KNDC1: variants seen among roughly 807,000 people sequenced by gnomAD.
KNDC1 encodes kinase non-catalytic C-lobe domain containing 1, also known as kinase non-catalytic C-lobe domain-containing protein 1.
KNDC1 carries 106 observed loss-of-function variants against 172.8 expected under a neutral mutation model. The observed-to-expected ratio is 0.61, with a 90% CI of 0.52 to 0.72. The LOEUF is 0.72. Among genes scored for constraint, KNDC1 ranks in the 30% least tolerant of loss-of-function variants. The pLI, the probability that KNDC1 is intolerant of heterozygous loss-of-function variation, is 0.00. For missense variants in KNDC1, 2,325 were observed against 2,394.5 expected, an observed-to-expected ratio of 0.97 and a Z score of 0.61; for synonymous variants, 1,083 against 1,062.2, an observed-to-expected ratio of 1.02 and a Z score of -0.38.
Position 133,224,750 on chromosome 10 carries a change from CAG to C in KNDC1, c.5113_5114del (p.Arg1705AspfsTer16). 1 of 1,614,084 alleles carries C rather than the reference CAG, an allele frequency of 6.2e-7. No homozygotes were observed. Among genetic ancestry groups the C allele is most frequent in the Non-Finnish European group, 8.5e-7 (1 of 1,179,996 alleles). ...CCCCAAGCTCCAGTCGTACCTCAAG[CAG>C]AGGATTGCCCGCTTCAGCGGTGCCG... ...PDPKLQSYLKQRIARFSGADI... is the reference protein window; with the variant it reads ...PDPKLQSYLKXRIARFSGADI... On this transcript the variant is annotated frameshift_variant, in exon 30 of 30. Transcript: ENST00000304613. LOFTEE classifies it low-confidence loss of function (END_TRUNC). This position sits in a 1 kb window ranked among gnomAD's most constrained non-coding sequence, Gnocchi z 5.4.
At chr10:133,169,907 C>G (rs1381203634) in intron 3 of KNDC1, among the ~76,000 whole-genome samples, 2 of 152,244 alleles carry the variant, frequency 1.3e-5, no homozygotes, top group African/African-American at 4.8e-5. Flanking sequence ...TCCGTGGTTC[C>G]CCCGTGGGAC....
chr10:133,162,047 TG>T (rs1852992850), intron 1 of KNDC1, among the ~76,000 whole-genome samples: 1 of 152,194 alleles, frequency 6.6e-6, no homozygotes, highest in Non-Finnish European at 1.5e-5. Context: ...GGCACAGTAC[TG>T]GGGTGGGTGG....
chr10:133,160,516 A>G lies in KNDC1; in HGVS notation c.49A>G (p.Lys17Glu), dbSNP rs774587808. 3.8e-6 allele frequency: 6 copies of G among 1,591,696 alleles called. No homozygotes were observed. The highest frequency in any genetic ancestry group is 5.1e-6 in the Non-Finnish European group (6 of 1,170,854). Residue 17 changes from lysine to glutamate, a missense_variant, in exon 1 of 30, where the codon AAA (lysine) becomes GAA (glutamate). Coordinates refer to ENST00000304613, the MANE Select transcript of KNDC1 (RefSeq NM_152643.8). ...GGCGGATCTTTACGAGGAGGACGGC[A>G]AAGACCTGGACTTCTACGACTTCGA... ...AAADLYEEDG[K>E]DLDFYDFEPL...
At chr10:133,181,861 C>CACACACACACACACACACACACACACACA (rs33923925) in intron 3 of KNDC1, among the ~76,000 whole-genome samples, 1 of 151,404 alleles carries the variant, frequency 6.6e-6, no homozygotes, top group African/African-American at 2.4e-5. Flanking sequence ...CACACACACA[C>CACACACACACACACACACACACACACACA]CAGACTGTGG....
In KNDC1 at chr10:133,188,621, T is replaced by C; in HGVS notation, c.1409T>C (p.Leu470Pro). 2 of 1,596,616 alleles carry C rather than the reference T, an allele frequency of 1.3e-6. No individual in the cohort carries two copies. Among genetic ancestry groups the C allele is most frequent in the Non-Finnish European group, 8.5e-7 (1 of 1,174,076 alleles). Residue 470 changes from leucine to proline, a missense_variant, in exon 7 of 30, where the codon CTC becomes CCC. Coordinates refer to ENST00000304613, the MANE Select transcript of KNDC1 (RefSeq NM_152643.8). ...CTGTGGGCCCTGTGCCTGGCCTGCC[T>C]CCGCGCACTGCAGACACGCCCTGAG... The part of the protein sequence containing the change: ...YELWALCLAC[L>P]RALQTRPEHP...
At chr10:133,213,341 C>T (rs1290232478) in intron 24 of KNDC1, among the ~76,000 whole-genome samples, 1 of 152,256 alleles carries the variant, frequency 6.6e-6, no homozygotes, top group African/African-American at 2.4e-5. Flanking sequence ...ACAGCCAGCC[C>T]TCAGGTGGCC....
chr10:133,198,716 G>C lies in KNDC1; in HGVS notation c.2208G>C (p.Pro736=), dbSNP rs752122025. 1.3e-5 allele frequency: 21 copies of C among 1,575,876 alleles called. No individual in the cohort carries two copies. In the African/African-American group the frequency reaches 2.7e-4, roughly 20 times the overall value. Reference sequence around the variant, plus strand: ...CGCCTGACGGGCCGGTGCCTGGTCCGGGGCCACAGGGAGCAGCCCCAGAGC... The same window carrying C: ...CGCCTGACGGGCCGGTGCCTGGTCCCGGGCCACAGGGAGCAGCCCCAGAGC... ...LKTPDGPVPG[P]GPQGAAPEPL... Residue 736 remains proline (P), a synonymous_variant, in exon 14 of 30, where the codon CCG becomes CCC. Coordinates refer to ENST00000304613, the MANE Select transcript of KNDC1 (RefSeq NM_152643.8).
chr10:133,220,274 A>T (rs866130755), intron 29 of KNDC1, among the ~76,000 whole-genome samples, 162 bp downstream of exon 29: 56 of 61,400 alleles, frequency 9.1e-4, no homozygotes, highest in African/African-American at 2.8e-3. Flanking sequence ...CGCGCCCAGG[A>T]GAGGAGGGGC....
intron 12 of KNDC1, among the ~76,000 whole-genome samples, chr10:133,198,081 C>T (rs1484885428): frequency 6.6e-6 from 1 of 152,172 alleles, no homozygotes; most frequent in African/African-American, 2.4e-5. Context: ...CTGAGCCCTG[C>T]TCAGCAGGCC....
chr10:133,202,687 C>G (rs1028209267), intron 17 of KNDC1: 13 of 456,540 alleles, frequency 2.8e-5, no homozygotes, highest in Admixed American at 2.8e-4. Context: ...CCTGCCGCCT[C>G]CTGGCCTGCA....
At chr10:133,198,522 G>A (rs752669064) in intron 13 of KNDC1, 23 bp downstream of exon 13, 14 of 1,588,028 alleles carry the variant, frequency 8.8e-6, no homozygotes, top group Middle Eastern at 3.3e-4. Context: ...CCCACACCCC[G>A]GAGCTGCTGG....
intron 5 of KNDC1, among the ~76,000 whole-genome samples, 189 bp downstream of exon 5, chr10:133,184,178 A>G (rs534377822): frequency 2.7e-4 from 37 of 136,734 alleles, no homozygotes; most frequent in Non-Finnish European, 3.6e-4. Flanking sequence ...ACACCTATGC[A>G]CACACACACC....
intron 26 of KNDC1, among the ~76,000 whole-genome samples, chr10:133,214,667 A>C (rs1412924291): frequency 6.6e-6 from 1 of 152,172 alleles, no homozygotes. Context: ...CTCCTGGCCG[A>C]ATGCTCATTG....
chr10:133,197,013 G>T, intron 10 of KNDC1, 45 bp from the exon 11 acceptor site: 1 of 1,496,108 alleles, frequency 6.7e-7, no homozygotes, highest in South Asian at 1.1e-5. Context: ...CGGTGCAGCC[G>T]TGGCTGAGGC....
At chr10:133,162,536 C>G (rs1372291313) in intron 1 of KNDC1, among the ~76,000 whole-genome samples, 1 of 152,220 alleles carries the variant, frequency 6.6e-6, no homozygotes, top group Non-Finnish European at 1.5e-5. Context: ...TGGACACCCA[C>G]CGGAGCCCCT....
chr10:133,192,610 G>C (rs1043989752), intron 9 of KNDC1, among the ~76,000 whole-genome samples: 1 of 152,080 alleles, frequency 6.6e-6, no homozygotes, highest in African/African-American at 2.4e-5. Context: ...CCAAGGAATA[G>C]AAAAGAAAAA....
intron 9 of KNDC1, among the ~76,000 whole-genome samples, chr10:133,193,873 T>C (rs989562044): frequency 6.6e-6 from 1 of 152,188 alleles, no homozygotes; most frequent in African/African-American, 2.4e-5. Context: ...CCAGAAGACA[T>C]AGCAATCCTA....
At chr10:133,190,063 T>C (rs961834074) in intron 9 of KNDC1, among the ~76,000 whole-genome samples, 4 of 152,212 alleles carry the variant, frequency 2.6e-5, no homozygotes, top group East Asian at 3.9e-4. Context: ...AACTAAGGGC[T>C]AAACAACCAG....
intron 17 of KNDC1, 22 bp from the exon 18 acceptor site, chr10:133,206,663 A>C (rs753933241): frequency 6.2e-7 from 1 of 1,607,314 alleles, no homozygotes. Flanking sequence ...CCTGGGGCTT[A>C]GGCGCTGTGT....
Sources: allele counts gnomAD v4.1 joint callset (sites outside exome capture counted in the v4.1 genomes callset), GRCh38; gene constraint gnomAD v4.1.1; non-coding constraint Gnocchi (gnomAD v3.1); transcripts MANE v1.5; gene names NCBI Gene and HGNC (gene_info 2026-07-23, HGNC 2026-07-21).